The following FARS2 variants were observed in gnomAD, a reference collection of about 807,000 sequenced individuals.
FARS2 encodes phenylalanyl-tRNA synthetase 2, mitochondrial.
Under a neutral mutation model 46.4 loss-of-function variants are expected in FARS2, and 40 were observed. The observed-to-expected ratio is 0.86, with a 90% confidence interval of 0.67 to 1.12. FARS2 has a LOEUF of 1.12. FARS2 is among the 50% of genes most tolerant of loss of function. The pLI is 0.00. For synonymous variants in FARS2, 234 were observed against 214.9 expected (o/e 1.09, Z -0.78); for missense variants, 513 against 567.9 (o/e 0.90, Z 0.98).
At position 5,717,929 on chromosome 6, in the gene FARS2, T is replaced by TAGAGAGAGAGAGAGAGAGAGAGAGAG. The variant is rs372348270; in HGVS notation, c.1218-53361_1218-53360insGAGAGAGAGAGAGAGAGAGAGAGAGA. Among the ~76,000 whole-genome samples, 278 of 105,024 alleles carry TAGAGAGAGAGAGAGAGAGAGAGAGAG rather than the reference T, an allele frequency of 2.6e-3. 7 individuals are homozygous for TAGAGAGAGAGAGAGAGAGAGAGAGAG. Among genetic ancestry groups the TAGAGAGAGAGAGAGAGAGAGAGAGAG allele is most frequent in the African/African-American group, 0.014 (227 of 16,706 alleles). 68.9% of individuals were successfully genotyped at this position (105,024 alleles called of 152,430 possible). A position where few individuals can be genotyped will look rare whatever the true frequency, so the allele number is the denominator to read the frequency against. Reference sequence around the variant, plus strand: ...TCAGCTATATATATATATATATATATATATATACAGAGTCTCACTCTGTCG... The same window carrying TAGAGAGAGAGAGAGAGAGAGAGAGAG: ...TCAGCTATATATATATATATATATATAGAGAGAGAGAGAGAGAGAGAGAGAGATATATACAGAGTCTCACTCTGTCG... On this transcript the variant is annotated intron_variant, in intron 6 of 6. Transcript: ENST00000274680.
chr6:5,743,992 A>C (rs923741249), intron 6 of FARS2, among the ~76,000 whole-genome samples: 5 of 152,242 alleles, frequency 3.3e-5, no homozygotes, highest in Non-Finnish European at 7.3e-5. Context: ...CATTTGGGGC[A>C]TTAACCCCAG....
intron 2 of FARS2, among the ~76,000 whole-genome samples, chr6:5,400,604 G>A (rs1761198124): frequency 6.7e-6 from 1 of 148,428 alleles, no homozygotes; most frequent in Non-Finnish European, 1.5e-5. Context: ...TCATTATGAA[G>A]GGAGTAAGTT....
chr6:5,724,356 C>T (rs898776703), intron 6 of FARS2, among the ~76,000 whole-genome samples: 7 of 152,276 alleles, frequency 4.6e-5, no homozygotes, highest in Non-Finnish European at 7.4e-5. Context: ...CAGGGGACTC[C>T]GTTGCTGGAG....
At chr6:5,544,880 A>G (rs548873304) in intron 4 of FARS2, among the ~76,000 whole-genome samples, 2 of 152,356 alleles carry the variant, frequency 1.3e-5, no homozygotes, top group African/African-American at 4.8e-5. Flanking sequence ...CAAAGACTAC[A>G]GAAAAATCAT....
chr6:5,432,561 AAAAAG>A (rs1763287937), intron 4 of FARS2, among the ~76,000 whole-genome samples: 1 of 143,750 alleles, frequency 7.0e-6, no homozygotes, highest in African/African-American at 2.6e-5. Flanking sequence ...CCTCCAAAAA[AAAAAG>A]GGAAAGTTGG....
intron 6 of FARS2, among the ~76,000 whole-genome samples, chr6:5,659,807 C>T (rs1035159015): frequency 2.6e-5 from 4 of 152,162 alleles, no homozygotes; most frequent in Admixed American, 1.3e-4. Flanking sequence ...GTAATATAAA[C>T]ATGACAAGGT....
intron 4 of FARS2, among the ~76,000 whole-genome samples, chr6:5,539,380 T>TG (rs1554106763): frequency 2.0e-4 from 16 of 79,834 alleles, no homozygotes; most frequent in East Asian, 1.6e-3. Flanking sequence ...CTAATTTTTT[T>TG]TGTGTATATA....
chr6:5,592,406 G>A (rs375866534), intron 5 of FARS2, among the ~76,000 whole-genome samples: 19 of 149,254 alleles, frequency 1.3e-4, no homozygotes, highest in Non-Finnish European at 2.1e-4. Context: ...AAACAGAAAA[G>A]AAAAACAAAA....
intron 1 of FARS2, among the ~76,000 whole-genome samples, chr6:5,342,002 C>G (rs2127593750): frequency 6.6e-6 from 1 of 152,134 alleles, no homozygotes; most frequent in South Asian, 2.1e-4. Context: ...CTGAGTAGCC[C>G]AAGTAGAATC....
At chr6:5,767,862 T>C (rs938219305) in intron 6 of FARS2, among the ~76,000 whole-genome samples, 5 of 152,182 alleles carry the variant, frequency 3.3e-5, no homozygotes, top group Non-Finnish European at 7.3e-5. Context: ...AGAGGCTGCA[T>C]TGGGTGATAT....
At chr6:5,753,050 G>C (rs1207138199) in intron 6 of FARS2, among the ~76,000 whole-genome samples, 1 of 151,996 alleles carries the variant, frequency 6.6e-6, no homozygotes, top group Non-Finnish European at 1.5e-5. Context: ...AGTTTGAGAA[G>C]TATATGAGAT....
At chr6:5,405,464 T>A (rs77860077) in intron 3 of FARS2, among the ~76,000 whole-genome samples, 25 of 146,498 alleles carry the variant, frequency 1.7e-4, no homozygotes, top group Admixed American at 7.0e-4. Flanking sequence ...GAGGACGTGA[T>A]CAGTGGAGCA....
chr6:5,540,163 G>A (rs893529072), intron 4 of FARS2, among the ~76,000 whole-genome samples: 4 of 152,204 alleles, frequency 2.6e-5, no homozygotes, highest in Admixed American at 2.6e-4. Context: ...CAGCTGGGAG[G>A]AAGATAGCAA....
intron 4 of FARS2, among the ~76,000 whole-genome samples, chr6:5,490,554 T>A (rs1238548465): frequency 3.3e-5 from 5 of 152,260 alleles, no homozygotes; most frequent in Non-Finnish European, 7.3e-5. Flanking sequence ...TTCCTTGGGC[T>A]TGTGCCAGTA....
At chr6:5,448,109 C>G (rs1359626840) in intron 4 of FARS2, among the ~76,000 whole-genome samples, 1 of 152,034 alleles carries the variant, frequency 6.6e-6, no homozygotes, top group Non-Finnish European at 1.5e-5. Flanking sequence ...TTGGGGTAGC[C>G]TAGGGGACAG....
chr6:5,411,312 A>G (rs780255687), intron 3 of FARS2, among the ~76,000 whole-genome samples: 2 of 152,072 alleles, frequency 1.3e-5, no homozygotes, highest in Non-Finnish European at 2.9e-5. Flanking sequence ...AAAACAAAAA[A>G]TCGTCTTCTC....
intron 1 of FARS2, among the ~76,000 whole-genome samples, chr6:5,329,129 T>TA (rs749697303): frequency 2.6e-3 from 365 of 139,980 alleles, no homozygotes; most frequent in East Asian, 0.018. Flanking sequence ...TGTTTCTATA[T>TA]TAAAAAAAAA....
chr6:5,288,107 T>G (rs1302063048), intron 1 of FARS2, among the ~76,000 whole-genome samples: 1 of 152,212 alleles, frequency 6.6e-6, no homozygotes, highest in East Asian at 1.9e-4. Flanking sequence ...CCCATGTTGC[T>G]CGTTGGCAAC....
At chr6:5,662,664 A>G (rs1777904821) in intron 6 of FARS2, among the ~76,000 whole-genome samples, 2 of 152,238 alleles carry the variant, frequency 1.3e-5, no homozygotes, top group Non-Finnish European at 1.5e-5. Flanking sequence ...AACTATAATT[A>G]TCTTAGAAAG....
Sources: allele counts gnomAD v4.1 joint callset (sites outside exome capture counted in the v4.1 genomes callset), GRCh38; gene constraint gnomAD v4.1.1; transcripts MANE v1.5; gene names NCBI Gene and HGNC (gene_info 2026-07-23, HGNC 2026-07-21).